Variants in NPRL3 observed in about 807,000 individuals in gnomAD.
NPRL3 encodes the protein GATOR1 complex protein NPRL3.
NPRL3 carries 23 observed loss-of-function variants against 57.2 expected under a neutral mutation model. The ratio of observed to expected loss-of-function variants is 0.40; its 90% CI spans 0.29 to 0.57. The LOEUF is 0.57. Among genes scored for constraint, NPRL3 ranks in the 20% least tolerant of loss-of-function variants. NPRL3 has a pLI of 0.42. For synonymous variants in NPRL3, 333 were observed against 321.1 expected, an observed-to-expected ratio of 1.04 and a Z score of -0.39; for missense variants, 691 against 767.1, an observed-to-expected ratio of 0.90 and a Z score of 1.17.
At position 121,995 on chromosome 16, in the gene NPRL3, G is replaced by A. The variant is rs374308819; in HGVS notation, c.189-2740C>T. Among the ~76,000 whole-genome samples the A allele has an allele frequency of 6.0e-4, 92 of 152,128 alleles. No homozygotes were observed. The East Asian group carries it at 0.013, about 22-fold the overall frequency. ...TCACCATGTTGGTCAGGCTGGTCTC[G>A]AACTCCTGACCTCAGGTGATCCGCC... On this transcript the variant is annotated intron_variant, in intron 3 of 13. Coordinates refer to ENST00000611875, the MANE Select transcript of NPRL3 (RefSeq NM_001077350.3).
In NPRL3 at chr16:100,706, AT is replaced by A. The variant is rs3216332; in HGVS notation, c.630-198del. Among the ~76,000 whole-genome samples, 51,128 of 150,334 alleles carry A rather than the reference AT, an allele frequency of 0.34. 9,862 individuals carry two copies. The highest frequency in any genetic ancestry group is 0.45 in the Non-Finnish European group (30,306 of 67,612). ...ATATGGGGGCCGGGCACGGTGGCTC[AT>A]GCCTGTAATCCCAGCACTTTGGGAG... On this transcript the variant is annotated intron_variant, in intron 7 of 13. Coordinates refer to ENST00000611875, the MANE Select transcript of NPRL3 (RefSeq NM_001077350.3).
At chr16:87,628 C>T (rs1467103189) in intron 13 of NPRL3, among the ~76,000 whole-genome samples, 13 of 149,636 alleles carry the variant, frequency 8.7e-5, no homozygotes, top group Middle Eastern at 6.8e-3. Context: ...CCCGCCTTCC[C>T]GCCATTCTCC....
At position 130,509 on chromosome 16, in the gene NPRL3, G is replaced by A. The variant is rs373318523; in HGVS notation, c.188+13C>T. ...GGACACGCCCCGCCCTGAAGTGGCCGCAGAGCCTTTACCTGGAATCGCCGT... is the reference window on the plus strand; with the variant it reads ...GGACACGCCCCGCCCTGAAGTGGCCACAGAGCCTTTACCTGGAATCGCCGT... On this transcript the variant is annotated intron_variant, in intron 3 of 13. Transcript: ENST00000611875. The A allele has an allele frequency of 3.0e-4, 472 of 1,548,968 alleles. 1 individual carries two copies. Among genetic ancestry groups the A allele is most frequent in the Non-Finnish European group, 3.8e-4 (441 of 1,146,972 alleles).
At chr16:101,840 C>T (rs889386437) in intron 7 of NPRL3, among the ~76,000 whole-genome samples, 3 of 152,204 alleles carry the variant, frequency 2.0e-5, no homozygotes, top group East Asian at 1.9e-4. Context: ...TTTACTCCAT[C>T]GGTCTCCACT....
intron 7 of NPRL3, among the ~76,000 whole-genome samples, chr16:103,515 G>A (rs1899401282): frequency 6.6e-6 from 1 of 151,832 alleles, no homozygotes; most frequent in African/African-American, 2.4e-5. Flanking sequence ...TCAGAATACG[G>A]AGGCTCCTAT....
chr16:91,428 C>T (rs747940924), intron 11 of NPRL3, among the ~76,000 whole-genome samples: 18 of 152,212 alleles, frequency 1.2e-4, no homozygotes, highest in Middle Eastern at 3.2e-3. Context: ...GGAGCCCAGG[C>T]AGAACCTGGC....
At chr16:88,999 G>A in intron 12 of NPRL3, 109 bp from the exon 13 acceptor site, 1 of 980,276 alleles carries the variant, frequency 1.0e-6, no homozygotes, top group South Asian at 1.5e-5. Flanking sequence ...ACTCCTACAA[G>A]GGTTAGGGTA....
rs566354368 is a variant in NPRL3, at chr16:110,692, C to T, written c.548-86G>A. 2.5e-4 allele frequency: 263 copies of T among 1,058,766 alleles called. No homozygotes were observed. The African/African-American group carries it at 3.5e-3, about 14-fold the overall frequency. The allele number at this position is 1,058,766 out of a possible 1,614,324, so 65.6% of individuals were successfully genotyped here. A position where few individuals can be genotyped will look rare whatever the true frequency, so the allele number is the denominator to read the frequency against. On this transcript the variant is annotated intron_variant, in intron 6 of 13. Coordinates refer to ENST00000611875, the MANE Select transcript of NPRL3 (RefSeq NM_001077350.3). ...CCTTCCAAGTAGCTGGGATTACAGG[C>T]GCCCGCCACCATGTCTGGCTAATTT...
At chr16:118,184 T>C (rs76316248) in intron 4 of NPRL3, among the ~76,000 whole-genome samples, 6,269 of 152,254 alleles carry the variant, frequency 0.041, 172 homozygotes, top group African/African-American at 0.074. Context: ...CCTCCCAGAA[T>C]TGCTGGATCT....
rs200810576 is a variant in NPRL3, at chr16:104,315, T to TA, written c.630-3807dup. On this transcript the variant is annotated intron_variant, in intron 7 of 13. Transcript: ENST00000611875. ...CTCAAAAAAAATTGAAATTAACGTTTAAAAAAAAAGACACCTAATTGTAAT... is the reference window on the plus strand; with the variant it reads ...CTCAAAAAAAATTGAAATTAACGTTTAAAAAAAAAAGACACCTAATTGTAAT... Among the ~76,000 whole-genome samples, 51 of 151,034 alleles carry TA rather than the reference T, an allele frequency of 3.4e-4. 1 individual carries two copies. Among genetic ancestry groups the TA allele is most frequent in the Admixed American group, 8.6e-4 (13 of 15,138 alleles).
chr16:113,460 C>T (rs1899903586), intron 5 of NPRL3, among the ~76,000 whole-genome samples: 2 of 152,334 alleles, frequency 1.3e-5, no homozygotes, highest in South Asian at 4.1e-4. Context: ...GGTCAAAGGA[C>T]AGTGCAGGAG....
Position 115,644 on chromosome 16 carries a change from C to T in NPRL3, c.393+1657G>A, listed in dbSNP as rs529751303. On this transcript the variant is annotated intron_variant, in intron 5 of 13. Transcript: ENST00000611875. The stretch of plus-strand genomic sequence containing the variant: ...GGAATTACAGGTGTCCACCACCACA[C>T]CTGGCTAATTTTGTATTTTTTAGTA... Among the ~76,000 whole-genome samples, 3 of 152,294 alleles carry T rather than the reference C, an allele frequency of 2.0e-5. No homozygotes were observed. In the South Asian group the frequency reaches 6.2e-4, roughly 32 times the overall value.
intron 4 of NPRL3, among the ~76,000 whole-genome samples, chr16:118,676 A>C (rs1387631621): frequency 1.3e-5 from 2 of 152,214 alleles, no homozygotes; most frequent in African/African-American, 4.8e-5. Flanking sequence ...GGGTTTATGA[A>C]GATGCACAGT....
chr16:104,017 G>A (rs184116441), intron 7 of NPRL3, among the ~76,000 whole-genome samples: 3 of 152,218 alleles, frequency 2.0e-5, no homozygotes, highest in Non-Finnish European at 2.9e-5. Context: ...GGAAGGCTGA[G>A]GCAGGAAAAT....
intron 8 of NPRL3, among the ~76,000 whole-genome samples, chr16:98,587 C>A (rs1469216904): frequency 6.6e-6 from 1 of 152,342 alleles, no homozygotes; most frequent in East Asian, 1.9e-4. Flanking sequence ...TGGCCCTTAA[C>A]TGCGGAGAGA....
At position 85,669 on chromosome 16, in the gene NPRL3, C is replaced by T. The variant is rs376825082; in HGVS notation, c.*1036G>A. Reference sequence around the variant, plus strand: ...CTGTAGTGGCAGCAGCCCGGGTGGGCGTCGGCCATGCAGGGGAGTGGGCCC... The same window carrying T: ...CTGTAGTGGCAGCAGCCCGGGTGGGTGTCGGCCATGCAGGGGAGTGGGCCC... On this transcript the variant is annotated 3_prime_UTR_variant, in exon 14 of 14. Coordinates refer to ENST00000611875, the MANE Select transcript of NPRL3 (RefSeq NM_001077350.3). 219 of 1,578,500 alleles carry T rather than the reference C, an allele frequency of 1.4e-4. No individual in the cohort carries two copies. Among genetic ancestry groups the T allele is most frequent in the Non-Finnish European group, 1.8e-4 (204 of 1,158,450 alleles).
Position 85,421 on chromosome 16 carries a change from C to G in NPRL3, c.*1284G>C. On this transcript the variant is annotated 3_prime_UTR_variant, in exon 14 of 14. Coordinates refer to ENST00000611875, the MANE Select transcript of NPRL3 (RefSeq NM_001077350.3). ...CACAGGGGACGGGGCTTGCGTCTTG[C>G]TGCGAGCACTGGAGCCCCTGGAAGG... 1 of 1,609,154 alleles carries G rather than the reference C, an allele frequency of 6.2e-7. No homozygotes were observed. Among genetic ancestry groups the G allele is most frequent in the Non-Finnish European group, 8.5e-7 (1 of 1,177,754 alleles).
At chr16:113,046 T>G (rs1271619685) in intron 5 of NPRL3, among the ~76,000 whole-genome samples, 1 of 151,658 alleles carries the variant, frequency 6.6e-6, no homozygotes, top group Non-Finnish European at 1.5e-5. Flanking sequence ...GCTCTGGAAA[T>G]GCCTGGGTGC....
At chr16:107,503 G>A (rs1485481071) in intron 7 of NPRL3, among the ~76,000 whole-genome samples, 2 of 151,292 alleles carry the variant, frequency 1.3e-5, no homozygotes, top group Non-Finnish European at 2.9e-5. Flanking sequence ...AATTAGCCAG[G>A]CATGGTGATG....
Sources: allele counts gnomAD v4.1 joint callset (sites outside exome capture counted in the v4.1 genomes callset), GRCh38; gene constraint gnomAD v4.1.1; transcripts MANE v1.5; gene names NCBI Gene and HGNC (gene_info 2026-07-23, HGNC 2026-07-21).